SPECC1L: variants seen among roughly 807,000 people sequenced by gnomAD.
SPECC1L encodes sperm antigen with calponin homology and coiled-coil domains 1 like.
Under a neutral mutation model 116.8 loss-of-function variants are expected in SPECC1L, and 40 were observed. The ratio of observed to expected loss-of-function variants is 0.34; its 90% CI spans 0.27 to 0.45. The LOEUF is 0.45. Ranked by LOEUF, SPECC1L falls within the 20% of genes least tolerant of loss-of-function variation. SPECC1L has a pLI of 1.00. For missense variants in SPECC1L, 1,110 were observed against 1,373.6 expected (o/e 0.81, Z 3.03); for synonymous variants, 504 against 500.6 (o/e 1.01, Z -0.09).
chr22:24,340,552 T>G (rs1361801014), intron 10 of SPECC1L, among the ~76,000 whole-genome samples: 13 of 152,220 alleles, frequency 8.5e-5, no homozygotes, highest in Admixed American at 8.5e-4. Flanking sequence ...AAACTTCAAA[T>G]AAGATGAACT....
At chr22:24,388,221 A>G (rs2042197507) in intron 14 of SPECC1L, among the ~76,000 whole-genome samples, 1 of 132,556 alleles carries the variant, frequency 7.5e-6, no homozygotes, top group South Asian at 2.9e-4. Context: ...TCCTAATGCT[A>G]TCCCTCCCCC....
chr22:24,323,390 A>G (rs2040759157), intron 5 of SPECC1L, among the ~76,000 whole-genome samples: 1 of 152,268 alleles, frequency 6.6e-6, no homozygotes, highest in African/African-American at 2.4e-5. Flanking sequence ...TTTGGCATAT[A>G]GAGGCTCCTG....
At chr22:24,396,036 T>G (rs115298346) in intron 14 of SPECC1L, among the ~76,000 whole-genome samples, 3,777 of 152,342 alleles carry the variant, frequency 0.025, 71 homozygotes, top group African/African-American at 0.051. Context: ...AAGATTCTGC[T>G]CTTGGCCTTG....
Position 24,365,521 on chromosome 22 carries a change from A to G in SPECC1L, c.2873A>G (p.Gln958Arg), listed in dbSNP as rs2041743774. ...SEEVKRDISA[Q>R]EGASPASLMA... ...GAAGTGAAACGGGACATTTCTGCAC[A>G]GGAGGGAGCGTCGCCAGCCTCTCTG... The change falls in exon 13 of 17, where the codon CAG (glutamine) becomes CGG (arginine). Residue 958 changes from glutamine (Q) to arginine (R), a missense_variant. Transcript: ENST00000314328. The G allele has an allele frequency of 1.1e-5, 18 of 1,614,058 alleles. No homozygotes were observed. The highest frequency in any genetic ancestry group is 1.5e-5 in the Non-Finnish European group (18 of 1,180,036).
chr22:24,294,270 T>C (rs2049213615), intron 2 of SPECC1L, among the ~76,000 whole-genome samples: 1 of 137,458 alleles, frequency 7.3e-6, no homozygotes, highest in Non-Finnish European at 1.5e-5. Flanking sequence ...TTGCCCTGTT[T>C]TTTGTTTTTT....
intron 10 of SPECC1L, among the ~76,000 whole-genome samples, chr22:24,339,110 C>T (rs1251095695): frequency 3.3e-5 from 5 of 152,198 alleles, no homozygotes; most frequent in African/African-American, 1.2e-4. Flanking sequence ...GTTGAATTCA[C>T]AGAGAAGGTG....
chr22:24,346,811 A>G (rs1051705624), intron 10 of SPECC1L, among the ~76,000 whole-genome samples: 4 of 152,178 alleles, frequency 2.6e-5, no homozygotes, highest in Non-Finnish European at 5.9e-5. Context: ...TTTGTAAGAT[A>G]TTACCGTTGG....
chr22:24,282,715 T>C (rs983060944), intron 2 of SPECC1L, among the ~76,000 whole-genome samples: 11 of 152,176 alleles, frequency 7.2e-5, no homozygotes, highest in African/African-American at 2.4e-4. Context: ...TCTGTGTGTA[T>C]TGAGAAGATC....
In SPECC1L at chr22:24,309,766, C is replaced by T. The variant is rs181366607; in HGVS notation, c.154-3547C>T. Among the ~76,000 whole-genome samples, 540 of 152,248 alleles carry T rather than the reference C, an allele frequency of 3.5e-3. 2 individuals carry two copies. The highest frequency in any genetic ancestry group is 0.014 in the Middle Eastern group (4 of 294). On this transcript the variant is annotated intron_variant, in intron 3 of 16. Coordinates refer to ENST00000314328, the MANE Select transcript of SPECC1L (RefSeq NM_015330.6). The stretch of plus-strand genomic sequence containing the variant: ...TTGAGGATTTATGGTCAAAATACTA[C>T]CGTGGTGAAAAAATACTTGGGTTGT...
intron 3 of SPECC1L, among the ~76,000 whole-genome samples, chr22:24,305,009 C>T (rs1276450908): frequency 3.9e-5 from 6 of 152,146 alleles, no homozygotes; most frequent in Non-Finnish European, 8.8e-5. Context: ...TGTTTTTAGA[C>T]TTACTGATGG....
chr22:24,354,503 A>G (rs1009430095), intron 11 of SPECC1L, among the ~76,000 whole-genome samples: 3 of 152,160 alleles, frequency 2.0e-5, no homozygotes, highest in Admixed American at 6.5e-5. Context: ...AGGTTATTCC[A>G]TCAGTGGCTG....
At chr22:24,375,908 C>G (rs1045645110) in intron 14 of SPECC1L, among the ~76,000 whole-genome samples, 1 of 152,054 alleles carries the variant, frequency 6.6e-6, no homozygotes, top group Non-Finnish European at 1.5e-5. Flanking sequence ...TGATAACACA[C>G]CACTGCACTC....
At chr22:24,384,887 T>C (rs528782247) in intron 14 of SPECC1L, among the ~76,000 whole-genome samples, 11 of 152,096 alleles carry the variant, frequency 7.2e-5, no homozygotes, top group South Asian at 6.2e-4. Context: ...CCATCCTGGC[T>C]AACATAGTGA....
chr22:24,328,790 T>C, intron 6 of SPECC1L, 56 bp from the exon 7 acceptor site: 3 of 1,379,490 alleles, frequency 2.2e-6, no homozygotes, highest in Non-Finnish European at 3.1e-6. Context: ...TTCTTTGTAT[T>C]ATTACTCTGA....
At chr22:24,335,666 T>A (rs889151713) in intron 9 of SPECC1L, among the ~76,000 whole-genome samples, 6 of 152,218 alleles carry the variant, frequency 3.9e-5, no homozygotes, top group Admixed American at 6.5e-5. Flanking sequence ...TGAGTTTTCA[T>A]TGACTTTAAA....
At chr22:24,341,882 C>G (rs1003441576) in intron 10 of SPECC1L, among the ~76,000 whole-genome samples, 2 of 152,202 alleles carry the variant, frequency 1.3e-5, no homozygotes, top group Non-Finnish European at 2.9e-5. Flanking sequence ...GGGAACAGAT[C>G]TTCTGAAGCT....
At chr22:24,282,065 C>T (rs2048954450) in intron 2 of SPECC1L, among the ~76,000 whole-genome samples, 1 of 152,234 alleles carries the variant, frequency 6.6e-6, no homozygotes, top group Admixed American at 6.5e-5. Context: ...GGGGTGAAAT[C>T]AAAAGGAGTT....
chr22:24,282,237 T>C (rs1314233332), intron 2 of SPECC1L, among the ~76,000 whole-genome samples: 3 of 152,364 alleles, frequency 2.0e-5, no homozygotes, highest in Admixed American at 6.5e-5. Flanking sequence ...TCAGAATCTT[T>C]AGCCTTCAGC....
At chr22:24,377,010 T>C (rs912261119) in intron 14 of SPECC1L, among the ~76,000 whole-genome samples, 1 of 152,090 alleles carries the variant, frequency 6.6e-6, no homozygotes, top group Non-Finnish European at 1.5e-5. Flanking sequence ...CCATTAGCAT[T>C]CATTCTCTAT....
Sources: allele counts gnomAD v4.1 joint callset (sites outside exome capture counted in the v4.1 genomes callset), GRCh38; gene constraint gnomAD v4.1.1; transcripts MANE v1.5; gene names NCBI Gene and HGNC (gene_info 2026-07-23, HGNC 2026-07-21).